Variants in MATR3 observed in about 807,000 individuals in gnomAD.
The protein encoded by MATR3 is matrin 3, also known as matrin-3.
A neutral mutation model predicts 85.5 loss-of-function variants in MATR3; 4 were observed. That is an observed-to-expected ratio of 0.05 (90% CI 0.02 to 0.11). MATR3 has a LOEUF of 0.11. MATR3 is among the 10% of genes least tolerant of loss of function. The pLI is 1.00. For synonymous variants in MATR3, 336 were observed against 343.1 expected (o/e 0.98, Z 0.23); for missense variants, 685 against 1,016.1 (o/e 0.67, Z 4.43).
chr5:139,319,057 G>A (rs1233384656), intron 8 of MATR3, 24 bp downstream of exon 8: 1 of 1,595,024 alleles, frequency 6.3e-7, no homozygotes, highest in Non-Finnish European at 8.6e-7. Context: ...TTTTCAAGCT[G>A]TATATCAGTT....
intron 2 of MATR3, among the ~76,000 whole-genome samples, chr5:139,277,745 T>C (rs1242100766): frequency 1.3e-5 from 2 of 148,774 alleles, no homozygotes; most frequent in Non-Finnish European, 3.0e-5. Flanking sequence ...ATGGGAAATA[T>C]ATCATGTCTG....
upstream of MATR3, among the ~76,000 whole-genome samples, chr5:139,291,664 G>A (rs1488001118): frequency 3.3e-5 from 5 of 151,928 alleles, no homozygotes; most frequent in East Asian, 7.8e-4. Context: ...TCAGCCTCTC[G>A]AGTAGCTGGG....
At position 139,282,458 on chromosome 5, in the gene MATR3, G is replaced by A. The variant is rs146545077; in HGVS notation, c.-178+3329G>A. Among the ~76,000 whole-genome samples, 3 of 152,272 alleles carry A rather than the reference G, an allele frequency of 2.0e-5. No homozygotes were observed. The East Asian group carries it at 5.8e-4, about 29-fold the overall frequency. On this transcript the variant is annotated intron_variant, in intron 3 of 16. Coordinates refer to ENST00000509990, the Ensembl canonical transcript of MATR3. ...GCCCTTTAGGATGTAAGAATGTTCT[G>A]TGCTGCTTCTTAAGGGTGATATACT...
intron 3 of MATR3, among the ~76,000 whole-genome samples, chr5:139,284,023 G>A (rs1005943339): frequency 6.6e-5 from 10 of 152,166 alleles, no homozygotes; most frequent in Non-Finnish European, 1.5e-5. Flanking sequence ...GTTGTGTCTT[G>A]AAATGTATTC....
upstream of MATR3, among the ~76,000 whole-genome samples, chr5:139,290,606 C>T (rs376545494): frequency 1.0e-3 from 155 of 151,676 alleles, 6 homozygotes; most frequent in South Asian, 0.03. Flanking sequence ...TATGCCACCA[C>T]GCCTGGGTAA....
In MATR3 at chr5:139,325,510, A is replaced by T. The variant is rs201019485; in HGVS notation, c.2219A>T (p.Asn740Ile). 1 of 1,614,214 alleles carries T rather than the reference A, an allele frequency of 6.2e-7. No individual in the cohort carries two copies. The highest frequency in any genetic ancestry group is 8.5e-7 in the Non-Finnish European group (1 of 1,180,030). Residue 740 changes from asparagine (N) to isoleucine (I), a missense_variant, in exon 13 of 15, where the codon AAC becomes ATC. Asn to Ile is a moderately radical substitution (Grantham distance 149). Around this residue, in one of 9 missense-constraint regions of MATR3, gnomAD observed 215 missense variants for 194.7 expected, o/e 1.10. Transcript: ENST00000394805. ...GAAAATGGAATTAAAAATGAGGAAA[A>T]CACAGAACCAGGTGCTGAATCTTCT... is the stretch of plus-strand genomic sequence containing the variant. ...ALENGIKNEE[N>I]TEPGAESSEN...
At position 139,325,172 on chromosome 5, in the gene MATR3, G is replaced by A. The variant is rs934715859; in HGVS notation, c.2149-268G>A. 2.1e-5 allele frequency: 28 copies of A among 1,357,626 alleles called. No homozygotes were observed. The African/African-American group carries it at 2.5e-4, about 12-fold the overall frequency. 84.1% of individuals were successfully genotyped at this position (1,357,626 alleles called of 1,614,324 possible). A position where few individuals can be genotyped will look rare whatever the true frequency, so the allele number is the denominator to read the frequency against. On this transcript the variant is annotated intron_variant, in intron 12 of 14. Transcript: ENST00000394805. ...CGCGCCACTGCACCCCAGCCTGGTC[G>A]ACAGAGCAAGACTCCGTCTCAAAAA...
intron 14 of MATR3, among the ~76,000 whole-genome samples, chr5:139,328,102 A>T (rs1305442986): frequency 6.7e-6 from 1 of 150,012 alleles, no homozygotes; most frequent in Non-Finnish European, 1.5e-5. Context: ...ACCTCAGGTG[A>T]TCGCCTGCCT....
intron 1 of MATR3, among the ~76,000 whole-genome samples, chr5:139,298,191 G>T (rs1441013581): frequency 6.6e-6 from 1 of 152,134 alleles, no homozygotes; most frequent in Non-Finnish European, 1.5e-5. Flanking sequence ...TTAACACACG[G>T]GAACCTATAC....
At position 139,322,978 on chromosome 5, in the gene MATR3, A is replaced by T; in HGVS notation, c.2148+11A>T. 1 of 1,542,624 alleles carries T rather than the reference A, an allele frequency of 6.5e-7. No individual in the cohort carries two copies. The highest frequency in any genetic ancestry group is 8.9e-7 in the Non-Finnish European group (1 of 1,124,894). On this transcript the variant is annotated intron_variant, in intron 12 of 14. Transcript: ENST00000394805. ...AAAAAGCTTAAAAAGGTAAAGAAAG[A>T]TACATTGATTTGTTTTAATAGAACA...
chr5:139,312,181 C>T (rs1008534283), intron 2 of MATR3: 1 of 152,144 alleles, frequency 6.6e-6, no homozygotes, highest in African/African-American at 2.4e-5. Context: ...TTGTAGCCCA[C>T]GCTGAAGTGC....
intron 1 of MATR3, among the ~76,000 whole-genome samples, chr5:139,295,166 C>G (rs1368684708): frequency 6.6e-6 from 1 of 152,194 alleles, no homozygotes; most frequent in Non-Finnish European, 1.5e-5. Flanking sequence ...TAAAATTTCC[C>G]TTTAAAAACA....
intron 3 of MATR3, among the ~76,000 whole-genome samples, chr5:139,288,354 A>G (rs554702374): frequency 6.6e-6 from 1 of 152,350 alleles, no homozygotes; most frequent in African/African-American, 2.4e-5. Context: ...CTTCGTTGAA[A>G]AAGTTTGACT....
chr5:139,321,737 T>C, intron 9 of MATR3, 161 bp from the exon 10 acceptor site: 1 of 701,310 alleles, frequency 1.4e-6, no homozygotes, highest in Non-Finnish European at 2.3e-6. Context: ...AAGCCAGGAT[T>C]GCGCCACTGC....
Position 139,331,446 on chromosome 5 carries a change from CTA to C in MATR3, c.*2053_*2054del, listed in dbSNP as rs551160626. The C allele has an allele frequency of 3.8e-4, 171 of 454,054 alleles. No individual in the cohort carries two copies. Among genetic ancestry groups the C allele is most frequent in the African/African-American group, 3.2e-3 (161 of 50,090 alleles). 28.1% of individuals were successfully genotyped at this position (454,054 alleles called of 1,614,324 possible). On this transcript the variant is annotated 3_prime_UTR_variant, in exon 15 of 15. Coordinates refer to ENST00000394805, the MANE Select transcript of MATR3 (RefSeq NM_018834.6). ...ATTTAGCAAGTTGAAGGAAAGAATG[CTA>C]TGTTTTTAATACCTACATTTGAGAG...
Position 139,308,205 on chromosome 5 carries a change from T to G in MATR3, c.790T>G (p.Ser264Ala). The G allele has an allele frequency of 6.2e-7, 1 of 1,614,038 alleles. No homozygotes were observed. Among genetic ancestry groups the G allele is most frequent in the Non-Finnish European group, 8.5e-7 (1 of 1,179,986 alleles). ...GRGPGPLQER[S>A]LFEKKRGAPP... ...TGGTCCTGGCCCCTTACAAGAGAGA[T>G]CTCTCTTTGAGAAAAAGAGAGGCGC... is the stretch of plus-strand genomic sequence containing the variant. Residue 264 changes from serine (S) to alanine (A), a missense_variant, in exon 2 of 15, where the codon TCT (serine) becomes GCT (alanine). Physicochemically the swap from Ser to Ala is moderately conservative, Grantham distance 99. Coordinates refer to ENST00000394805, the MANE Select transcript of MATR3 (RefSeq NM_018834.6).
At position 139,329,613 on chromosome 5, in the gene MATR3, A is replaced by G. The variant is rs1351789348; in HGVS notation, c.*218A>G. On this transcript the variant is annotated 3_prime_UTR_variant, in exon 15 of 15. Coordinates refer to ENST00000394805, the MANE Select transcript of MATR3 (RefSeq NM_018834.6). ...ATAGTTTTTGTTTTATCAGAATGGC[A>G]ACAGACAGAAGTACTTTGTAGAGAT... 1 of 550,880 alleles carries G rather than the reference A, an allele frequency of 1.8e-6. No individual in the cohort carries two copies. Among genetic ancestry groups the G allele is most frequent in the East Asian group, 4.2e-5 (1 of 23,614 alleles). 34.1% of individuals were successfully genotyped at this position (550,880 alleles called of 1,614,324 possible). A position where few individuals can be genotyped will look rare whatever the true frequency, so the allele number is the denominator to read the frequency against.
chr5:139,292,250 C>G (rs963633215), upstream of MATR3, among the ~76,000 whole-genome samples: 3 of 152,168 alleles, frequency 2.0e-5, no homozygotes, highest in African/African-American at 7.2e-5. Flanking sequence ...GCGAGATCTA[C>G]CGTGCCTCAA....
At chr5:139,322,380 A>G (rs1352216026) in intron 10 of MATR3, 83 bp from the exon 11 acceptor site, 2 of 1,261,016 alleles carry the variant, frequency 1.6e-6, no homozygotes, top group African/African-American at 2.9e-5. Flanking sequence ...AGTTGATTAT[A>G]GGGATTGTCT....
Sources: gnomAD v4.1 joint callset for allele counts (sites outside exome capture counted in the v4.1 genomes callset) on GRCh38, gnomAD v4.1.1 for gene constraint, gnomAD v4.1.1 regional missense constraint, MANE v1.5 for transcripts, NCBI Gene and HGNC (gene_info 2026-07-23, HGNC 2026-07-21) for gene names.